Variants in CALN1 observed in about 807,000 individuals in gnomAD.
CALN1 encodes the protein calneuron 1.
In CALN1, 17 loss-of-function variants were observed where a neutral mutation model predicts 30.6. That is an observed-to-expected ratio of 0.56 (90% CI 0.38 to 0.83). The LOEUF is 0.83. Among genes scored for constraint, CALN1 ranks in the 40% least tolerant of loss-of-function variants. The probability of loss-of-function intolerance (pLI) is 0.00; values close to 1 mark genes in which losing one functional copy is unlikely to be tolerated. For missense variants in CALN1, 291 were observed against 354.9 expected, an observed-to-expected ratio of 0.82 and a Z score of 1.45; for synonymous variants, 156 against 131.4, an observed-to-expected ratio of 1.19 and a Z score of -1.28.
chr7:72,154,294 C>T (rs894417904), intron 3 of CALN1, among the ~76,000 whole-genome samples: 4 of 152,008 alleles, frequency 2.6e-5, no homozygotes, highest in Non-Finnish European at 5.9e-5. Flanking sequence ...TGCAAAATGC[C>T]TTGGCCAAGC....
intron 3 of CALN1, among the ~76,000 whole-genome samples, chr7:72,264,111 C>T (rs957151256): frequency 1.1e-4 from 17 of 152,180 alleles, no homozygotes; most frequent in Non-Finnish European, 1.6e-4. Context: ...GTTTATATGA[C>T]CTTCTGAGAA....
intron 3 of CALN1, among the ~76,000 whole-genome samples, chr7:72,124,763 A>G (rs1477509601): frequency 6.6e-6 from 1 of 152,050 alleles, no homozygotes; most frequent in East Asian, 1.9e-4. Context: ...CATGAAGATA[A>G]AGACAACCTG....
At chr7:72,208,007 G>C (rs1467501074) in intron 3 of CALN1, among the ~76,000 whole-genome samples, 1 of 152,112 alleles carries the variant, frequency 6.6e-6, no homozygotes, top group East Asian at 1.9e-4. Flanking sequence ...TCAATGTATT[G>C]TTAAACTCAG....
chr7:71,955,074 G>A (rs1796887702), intron 5 of CALN1, among the ~76,000 whole-genome samples: 1 of 152,134 alleles, frequency 6.6e-6, no homozygotes, highest in Admixed American at 6.6e-5. Context: ...AGGTTTAATG[G>A]ATTCACAGTC....
At chr7:72,465,860 G>T in the CALN1 span, among the ~76,000 whole-genome samples, 1 of 152,186 alleles carries the variant, frequency 6.6e-6, no homozygotes, top group African/African-American at 2.4e-5. Flanking sequence ...CAGCCTTCCA[G>T]GCTCCAGGTC....
chr7:72,039,000 C>A (rs1801968595), intron 4 of CALN1, among the ~76,000 whole-genome samples: 1 of 152,196 alleles, frequency 6.6e-6, no homozygotes, highest in South Asian at 2.1e-4. Context: ...ACCCCACAAT[C>A]TTTCTTAAGT....
chr7:71,790,968 C>T (rs949002429), intron 6 of CALN1, among the ~76,000 whole-genome samples: 5 of 152,078 alleles, frequency 3.3e-5, no homozygotes, highest in African/African-American at 7.2e-5. Flanking sequence ...AGAAAAAGGT[C>T]AAGGTTGTGT....
At chr7:72,503,382 G>A in the CALN1 span, among the ~76,000 whole-genome samples, 1 of 151,886 alleles carries the variant, frequency 6.6e-6, no homozygotes, top group East Asian at 1.9e-4. Context: ...ATCAGGGGCA[G>A]TCACTGAGGT....
chr7:72,050,322 T>C (rs1289152325), intron 4 of CALN1, among the ~76,000 whole-genome samples: 1 of 152,202 alleles, frequency 6.6e-6, no homozygotes, highest in African/African-American at 2.4e-5. Flanking sequence ...AATTACTAGA[T>C]TATTAACCAT....
chr7:72,213,847 C>G (rs1450977463), intron 3 of CALN1, among the ~76,000 whole-genome samples: 5 of 152,158 alleles, frequency 3.3e-5, no homozygotes, highest in Non-Finnish European at 7.4e-5. Flanking sequence ...TATGCATGAG[C>G]CCAGAGAGAG....
At chr7:72,326,778 A>T (rs1360301967) in intron 2 of CALN1, among the ~76,000 whole-genome samples, 1 of 152,218 alleles carries the variant, frequency 6.6e-6, no homozygotes, top group Non-Finnish European at 1.5e-5. Context: ...TTCCAATAAC[A>T]AGGAGCCACA....
At position 72,358,220 on chromosome 7, in the gene CALN1, C is replaced by T. The variant is rs112969137; in HGVS notation, c.119+45031G>A. Among the ~76,000 whole-genome samples, 557 of 152,000 alleles carry T rather than the reference C, an allele frequency of 3.7e-3. 15 individuals are homozygous for T. The highest frequency in any genetic ancestry group is 0.017 in the Middle Eastern group (5 of 294). ...GTTGCCCAGGCACTGGTCTCAAATG[C>T]CTGGCCTCACGTGACCCTTGAGCCT... On this transcript the variant is annotated intron_variant, in intron 2 of 6. Coordinates refer to ENST00000395275, the MANE Select transcript of CALN1 (RefSeq NM_031468.4).
intron 4 of CALN1, among the ~76,000 whole-genome samples, chr7:72,064,992 A>G (rs2129537315): frequency 6.6e-6 from 1 of 151,750 alleles, no homozygotes; most frequent in East Asian, 1.9e-4. Flanking sequence ...AACAGACATC[A>G]GGCTATTTGT....
chr7:71,987,048 C>A (rs1454251845), intron 5 of CALN1, among the ~76,000 whole-genome samples: 2 of 151,912 alleles, frequency 1.3e-5, no homozygotes, highest in African/African-American at 4.8e-5. Context: ...ATCACTTGAA[C>A]CTGGGAGGCA....
chr7:71,944,894 C>T (rs1276514822), intron 5 of CALN1, among the ~76,000 whole-genome samples: 7 of 152,104 alleles, frequency 4.6e-5, no homozygotes, highest in Non-Finnish European at 8.8e-5. Flanking sequence ...AACACATGTA[C>T]GTCTTTCCCT....
At chr7:72,445,352 C>T (rs1052968640) in intron 1 of CALN1, among the ~76,000 whole-genome samples, 1 of 152,144 alleles carries the variant, frequency 6.6e-6, no homozygotes, top group Admixed American at 6.5e-5. Context: ...ACTCACCCGG[C>T]TAACCATGGC....
chr7:71,797,011 G>C (rs1227156599), intron 6 of CALN1, among the ~76,000 whole-genome samples: 4 of 152,148 alleles, frequency 2.6e-5, no homozygotes, highest in Admixed American at 1.3e-4. Flanking sequence ...CTCAGCAAAT[G>C]ACAGGCAGTG....
At chr7:72,212,930 G>A (rs112093793) in intron 3 of CALN1, among the ~76,000 whole-genome samples, 3 of 152,306 alleles carry the variant, frequency 2.0e-5, no homozygotes, top group African/African-American at 4.8e-5. Flanking sequence ...CCTTCCACAT[G>A]GAGAAAATCC....
intron 3 of CALN1, among the ~76,000 whole-genome samples, chr7:72,182,952 G>A (rs1789923770): frequency 6.6e-6 from 1 of 152,158 alleles, no homozygotes; most frequent in South Asian, 2.1e-4. Context: ...GGCATTGAAT[G>A]CTATGAAAAG....
Sources: gnomAD v4.1 joint callset for allele counts (sites outside exome capture counted in the v4.1 genomes callset) on GRCh38, gnomAD v4.1.1 for gene constraint, MANE v1.5 for transcripts, NCBI Gene and HGNC (gene_info 2026-07-23, HGNC 2026-07-21) for gene names.